The following PTPRT variants were observed in gnomAD, a reference collection of about 807,000 sequenced individuals.
PTPRT encodes the protein receptor-type tyrosine-protein phosphatase T.
In PTPRT, 56 loss-of-function variants were observed where a neutral mutation model predicts 176.8. That is an observed-to-expected ratio of 0.32 (90% CI 0.26 to 0.40). PTPRT has a LOEUF of 0.40. PTPRT is among the 10% of genes least tolerant of loss of function. The pLI, the probability that PTPRT is intolerant of heterozygous loss-of-function variation, is 1.00. For missense variants in PTPRT, 1,540 were observed against 1,908.2 expected (o/e 0.81, Z 3.60); for synonymous variants, 783 against 739.0 (o/e 1.06, Z -0.96).
At position 42,493,994 on chromosome 20, in the gene PTPRT, A is replaced by G. The variant is rs551872059; in HGVS notation, c.1154-21432T>C. ...ATCCTCTCCTGTTGTCTTCCAGAAA[A>G]GTCTTACCCTAAAATGGACTGATAA... On this transcript the variant is annotated intron_variant, in intron 7 of 30. Coordinates refer to ENST00000373187, the MANE Select transcript of PTPRT (RefSeq NM_007050.6). Among the ~76,000 whole-genome samples the G allele has an allele frequency of 2.6e-5, 4 of 152,202 alleles. No individual in the cohort carries two copies. In the East Asian group the frequency reaches 5.8e-4, roughly 22 times the overall value.
In PTPRT at chr20:42,462,145, G is replaced by A. The variant is rs62203550; in HGVS notation, c.1450+10121C>T. On this transcript the variant is annotated intron_variant, in intron 8 of 30. Transcript: ENST00000373187. The stretch of plus-strand genomic sequence containing the variant: ...CAACATGTGGGCAATGAGAGCTGGA[G>A]GGAATTTCTTTGAATGGTTTCAGTT... 8.7e-3 allele frequency among the ~76,000 whole-genome samples: 1,326 copies of A among 152,288 alleles called. 11 individuals carry two copies. Among genetic ancestry groups the A allele is most frequent in the Middle Eastern group, 0.014 (4 of 294 alleles).
At chr20:42,713,698 T>C (rs75774892) in intron 6 of PTPRT, among the ~76,000 whole-genome samples, 2,796 of 152,268 alleles carry the variant, frequency 0.018, 89 homozygotes, top group African/African-American at 0.063. Context: ...TGGGATGTAG[T>C]GGGAGGTGAC....
intron 9 of PTPRT, among the ~76,000 whole-genome samples, chr20:42,413,345 A>G (rs574547435): frequency 3.9e-5 from 6 of 152,340 alleles, no homozygotes; most frequent in Non-Finnish European, 5.9e-5. Context: ...TTTAGGAAAG[A>G]GTATTTTCAT....
At chr20:42,845,445 G>GTGTGCA (rs1264749032) in intron 2 of PTPRT, among the ~76,000 whole-genome samples, 1 of 152,176 alleles carries the variant, frequency 6.6e-6, no homozygotes, top group Non-Finnish European at 1.5e-5. Context: ...TGAAGGGCGT[G>GTGTGCA]CATGTGTTTC....
intron 3 of PTPRT, among the ~76,000 whole-genome samples, chr20:42,786,009 A>G (rs115608276): frequency 0.11 from 16,149 of 152,106 alleles, 968 homozygotes; most frequent in South Asian, 0.23. Context: ...TTTTCCCCAT[A>G]CTGTTCTTGT....
At chr20:43,075,162 C>G (rs1421795814) in intron 1 of PTPRT, among the ~76,000 whole-genome samples, 1 of 152,208 alleles carries the variant, frequency 6.6e-6, no homozygotes, top group African/African-American at 2.4e-5. Flanking sequence ...AGACTACTGT[C>G]TAATTAAAAG....
chr20:42,907,347 A>G (rs554039655), intron 1 of PTPRT, among the ~76,000 whole-genome samples: 13 of 152,340 alleles, frequency 8.5e-5, no homozygotes, highest in Admixed American at 8.5e-4. Context: ...AAAGGATCTC[A>G]GGGAAAGTAA....
intron 1 of PTPRT, among the ~76,000 whole-genome samples, chr20:43,114,516 G>A (rs1465693107): frequency 5.3e-5 from 8 of 152,072 alleles, no homozygotes; most frequent in South Asian, 2.1e-4. Flanking sequence ...CTACATAGTC[G>A]GTAACTTCTA....
chr20:42,535,352 C>T (rs1168939480), intron 7 of PTPRT, among the ~76,000 whole-genome samples: 1 of 152,058 alleles, frequency 6.6e-6, no homozygotes, highest in Non-Finnish European at 1.5e-5. Flanking sequence ...GGGTGAGGAT[C>T]AAAGACTATC....
chr20:42,084,745 C>T lies in PTPRT; in HGVS notation c.4073G>A (p.Arg1358Gln), dbSNP rs180871064. 1.7e-5 allele frequency: 26 copies of T among 1,567,792 alleles called. No individual in the cohort carries two copies. Among genetic ancestry groups the T allele is most frequent in the African/African-American group, 2.7e-5 (2 of 74,244 alleles). ...CTGCTCCTGCCACTTCTCCAGTCGT[C>T]GGACCACTTTGAGCAGAGAGCGCTT... ...PSKRSLLKVVRRLEKWQEQYD... is the reference protein window; with the variant it reads ...PSKRSLLKVVQRLEKWQEQYD... The change falls in exon 29 of 31, where the codon CGA becomes CAA. Residue 1358 changes from arginine (R) to glutamine (Q), a missense_variant. By Grantham distance (43) the Arg-to-Gln change is conservative. Transcript: ENST00000373187.
intron 7 of PTPRT, among the ~76,000 whole-genome samples, chr20:42,570,184 T>G (rs895781652): frequency 1.1e-4 from 16 of 152,160 alleles, no homozygotes; most frequent in African/African-American, 3.4e-4. Context: ...CTCCCATCTG[T>G]ACCTCCTTGA....
At chr20:43,019,362 A>T (rs6103129) in intron 1 of PTPRT, among the ~76,000 whole-genome samples, 3,142 of 152,244 alleles carry the variant, frequency 0.021, 87 homozygotes, top group African/African-American at 0.068. Context: ...GGCTCACACC[A>T]GTAATCCCAG....
intron 12 of PTPRT, among the ~76,000 whole-genome samples, chr20:42,314,540 AAAG>A (rs2057686953): frequency 6.7e-6 from 1 of 148,420 alleles, no homozygotes; most frequent in East Asian, 2.1e-4. Context: ...AAAAAAAAAA[AAAG>A]AAAGAAAAGA....
intron 8 of PTPRT, among the ~76,000 whole-genome samples, chr20:42,460,853 C>T (rs2071006492): frequency 1.3e-5 from 2 of 152,174 alleles, no homozygotes; most frequent in Non-Finnish European, 2.9e-5. Flanking sequence ...ATAAATTACA[C>T]AGTTTTAACC....
At chr20:42,241,038 T>G (rs1600717885) in intron 14 of PTPRT, among the ~76,000 whole-genome samples, 1 of 152,312 alleles carries the variant, frequency 6.6e-6, no homozygotes, top group Admixed American at 6.5e-5. Flanking sequence ...ATGAGTAAAG[T>G]GAGGCTCAGA....
intron 2 of PTPRT, among the ~76,000 whole-genome samples, chr20:42,848,973 T>C (rs1268768862): frequency 6.6e-6 from 1 of 152,188 alleles, no homozygotes; most frequent in Non-Finnish European, 1.5e-5. Flanking sequence ...CTTGTTCCAT[T>C]GTGAGTTGAT....
At chr20:43,056,924 C>T (rs2146243834) in intron 1 of PTPRT, among the ~76,000 whole-genome samples, 1 of 152,176 alleles carries the variant, frequency 6.6e-6, no homozygotes, top group East Asian at 1.9e-4. Context: ...CTTATTCCTG[C>T]TTCCTTTTAT....
intron 12 of PTPRT, among the ~76,000 whole-genome samples, chr20:42,293,750 TACTC>T (rs2057349962): frequency 6.6e-6 from 1 of 152,182 alleles, no homozygotes; most frequent in South Asian, 2.1e-4. Context: ...CTCCAAGCCT[TACTC>T]ACCACTAATT....
chr20:42,874,337 G>A (rs1487097449), intron 2 of PTPRT, among the ~76,000 whole-genome samples: 3 of 151,926 alleles, frequency 2.0e-5, no homozygotes, highest in Non-Finnish European at 1.5e-5. Flanking sequence ...TGCATTTACA[G>A]AGACACTGAC....
Sources: gnomAD v4.1 joint callset for allele counts (sites outside exome capture counted in the v4.1 genomes callset) on GRCh38, gnomAD v4.1.1 for gene constraint, MANE v1.5 for transcripts, NCBI Gene and HGNC (gene_info 2026-07-23, HGNC 2026-07-21) for gene names.